The following PI4KA variants were observed in gnomAD, a reference collection of about 807,000 sequenced individuals.
The protein encoded by PI4KA is phosphatidylinositol 4-kinase alpha.
A neutral mutation model predicts 271.4 loss-of-function variants in PI4KA; 122 were observed. The observed-to-expected ratio is 0.45, with a 90% CI of 0.39 to 0.52. The LOEUF (loss-of-function observed/expected upper bound fraction) is 0.52. PI4KA is among the 20% of genes least tolerant of loss of function. The probability of loss-of-function intolerance (pLI) is 0.00; values close to 1 mark genes in which losing one functional copy is unlikely to be tolerated. For missense variants in PI4KA, 1,969 were observed against 2,769.1 expected (o/e 0.71, Z 6.48); for synonymous variants, 1,041 against 1,078.8 (o/e 0.96, Z 0.69).
intron 4 of PI4KA, among the ~76,000 whole-genome samples, chr22:20,821,218 A>G (rs998626226): frequency 1.4e-4 from 21 of 152,118 alleles, no homozygotes; most frequent in African/African-American, 4.8e-4. Context: ...ATAATTTTTA[A>G]ATTTTTTTTA....
At position 20,805,149 on chromosome 22, in the gene PI4KA, A is replaced by G. The variant is rs151056177; in HGVS notation, c.1185T>C (p.Phe395=). Residue 395 remains phenylalanine, a synonymous_variant, in exon 11 of 55, where the codon TTT becomes TTC. Transcript: ENST00000255882. ...GCACAAAATCATGGATCTCCTTCAC[A>G]AAAGAGGTCGGGAGGTCTGTAGGAA... ...LYYMKDLPTS[F]VKEIHDFVLE... The G allele has an allele frequency of 2.4e-4, 392 of 1,613,784 alleles. No homozygotes were observed. The highest frequency in any genetic ancestry group is 1.5e-3 in the Middle Eastern group (9 of 6,058).
chr22:20,761,220 T>A (rs760125854), intron 23 of PI4KA, 84 bp downstream of exon 23: 8 of 791,162 alleles, frequency 1.0e-5, no homozygotes, highest in Non-Finnish European at 1.8e-5. Flanking sequence ...ATTTTCTACA[T>A]GTAGACAGAA....
chr22:20,763,612 G>T (rs1282952905), intron 22 of PI4KA, among the ~76,000 whole-genome samples: 1 of 151,830 alleles, frequency 6.6e-6, no homozygotes, highest in African/African-American at 2.4e-5. Context: ...GCTAATTTTT[G>T]TATTTTTAGT....
chr22:20,842,311 A>T (rs1925659990), intron 1 of PI4KA, among the ~76,000 whole-genome samples: 1 of 152,200 alleles, frequency 6.6e-6, no homozygotes, highest in African/African-American at 2.4e-5. Flanking sequence ...CAGCCCTGCC[A>T]TCACCTTGAT....
At position 20,754,985 on chromosome 22, in the gene PI4KA, C is replaced by T. The variant is rs892315923; in HGVS notation, c.2792-1805G>A. Among the ~76,000 whole-genome samples, 4 of 152,172 alleles carry T rather than the reference C, an allele frequency of 2.6e-5. No individual in the cohort carries two copies. The East Asian group carries it at 5.8e-4, about 22-fold the overall frequency. ...AATTTATTTTTTAGGGACAGGGTAT[C>T]GCTTTGTTGCCTAGGCTGGTCTTGA... On this transcript the variant is annotated intron_variant, in intron 23 of 54. Coordinates refer to ENST00000255882, the MANE Select transcript of PI4KA (RefSeq NM_058004.4).
At position 20,765,181 on chromosome 22, in the gene PI4KA, G is replaced by C. The variant is rs766644240; in HGVS notation, c.2493C>G (p.Pro831=). Residue 831 remains proline (P), a synonymous_variant, in exon 21 of 55, where the codon CCC becomes CCG. Coordinates refer to ENST00000255882, the MANE Select transcript of PI4KA (RefSeq NM_058004.4). The part of the protein sequence containing the change: ...EGVCEIATKS[P]LLTFPSKEPL... ...GCTCCTTGCTGGGAAAGGTGAGCAA[G>C]GGGGACTTAGTGGCTATTTCACAGA... 8 of 1,613,914 alleles carry C rather than the reference G, an allele frequency of 5.0e-6. No homozygotes were observed. The Admixed American group carries it at 1.2e-4, about 24-fold the overall frequency.
At chr22:20,728,070 T>G (rs1927579375) in intron 39 of PI4KA, among the ~76,000 whole-genome samples, 1 of 152,180 alleles carries the variant, frequency 6.6e-6, no homozygotes, top group Admixed American at 6.5e-5. Context: ...AATAATAACT[T>G]AATTGTATAT....
rs1397087051 is a variant in PI4KA, at chr22:20,720,000, T to C, written c.5117-1178A>G. 3.3e-5 allele frequency among the ~76,000 whole-genome samples: 4 copies of C among 120,840 alleles called. No homozygotes were observed. The South Asian group carries it at 1.1e-3, about 33-fold the overall frequency. 79.3% of individuals were successfully genotyped at this position (120,840 alleles called of 152,430 possible). A position where few individuals can be genotyped will look rare whatever the true frequency, so the allele number is the denominator to read the frequency against. On this transcript the variant is annotated intron_variant, in intron 43 of 54. Coordinates refer to ENST00000255882, the MANE Select transcript of PI4KA (RefSeq NM_058004.4). ...GAGATCGTGCCACTGCACTCCAGCC[T>C]GGGCGACTAATCAAGACTCTGTCTC... is the stretch of plus-strand genomic sequence containing the variant.
intron 25 of PI4KA, 39 bp from the exon 26 acceptor site, chr22:20,751,794 C>T (rs1930726265): frequency 6.3e-7 from 1 of 1,583,650 alleles, no homozygotes; most frequent in South Asian, 1.1e-5. Context: ...AGAGCCAAAC[C>T]TCCAAGGAAG....
chr22:20,740,824 A>G (rs1208456048), intron 32 of PI4KA, among the ~76,000 whole-genome samples: 2 of 152,216 alleles, frequency 1.3e-5, no homozygotes, highest in Non-Finnish European at 2.9e-5. Flanking sequence ...TAAAAACAAT[A>G]AAACAAAAAA....
At position 20,813,499 on chromosome 22, in the gene PI4KA, G is replaced by A. The variant is rs165854; in HGVS notation, c.864C>T (p.Cys288=). 666,269 of 1,611,922 alleles carry A rather than the reference G, an allele frequency of 0.41. 140,907 individuals carry two copies. Among genetic ancestry groups the A allele is most frequent in the African/African-American group, 0.58 (43,201 of 74,852 alleles). Residue 288 remains cysteine (C), a synonymous_variant, in exon 8 of 55, where the codon TGC becomes TGT. Coordinates refer to ENST00000255882, the MANE Select transcript of PI4KA (RefSeq NM_058004.4). ...GCTCTAGGGCAGTCCCATCGGGCAAGCAGGAGGCTGGTGGGAGATAAAGCT... is the reference window on the plus strand; with the variant it reads ...GCTCTAGGGCAGTCCCATCGGGCAAACAGGAGGCTGGTGGGAGATAAAGCT... The part of the protein sequence containing the change: ...GSAFHYFEAS[C]LPDGTALEPE...
intron 30 of PI4KA, among the ~76,000 whole-genome samples, chr22:20,744,319 T>C (rs1286810935): frequency 6.6e-6 from 1 of 152,112 alleles, no homozygotes; most frequent in Non-Finnish European, 1.5e-5. Flanking sequence ...TCTTACCGAG[T>C]GCCCAAGAGC....
intron 8 of PI4KA, among the ~76,000 whole-genome samples, chr22:20,811,454 C>A (rs1601549344): frequency 6.6e-6 from 1 of 152,244 alleles, no homozygotes; most frequent in Non-Finnish European, 1.5e-5. Flanking sequence ...GCACCTCCTT[C>A]CTCTCCGGGC....
At chr22:20,849,030 A>G (rs1030236039) in intron 1 of PI4KA, among the ~76,000 whole-genome samples, 16 of 152,170 alleles carry the variant, frequency 1.1e-4, no homozygotes, top group African/African-American at 3.4e-4. Flanking sequence ...CTGAATAGAT[A>G]TATCTCCAAA....
chr22:20,734,950 T>C (rs1374964998), intron 32 of PI4KA, among the ~76,000 whole-genome samples: 2 of 152,080 alleles, frequency 1.3e-5, no homozygotes, highest in African/African-American at 4.8e-5. Flanking sequence ...CAGAAGAGGG[T>C]TCTGGATCCA....
At chr22:20,750,221 C>T (rs558917262) in intron 27 of PI4KA, among the ~76,000 whole-genome samples, 3 of 152,290 alleles carry the variant, frequency 2.0e-5, no homozygotes, top group East Asian at 3.9e-4. Flanking sequence ...TCCTTCCTTA[C>T]GTGTGTGCAG....
intron 22 of PI4KA, among the ~76,000 whole-genome samples, chr22:20,762,281 T>C (rs1005706475): frequency 6.6e-6 from 1 of 152,192 alleles, no homozygotes; most frequent in African/African-American, 2.4e-5. Context: ...GCCAGGTGAC[T>C]TTCAGCACAC....
At chr22:20,755,260 A>T (rs1013683510) in intron 23 of PI4KA, among the ~76,000 whole-genome samples, 1 of 152,160 alleles carries the variant, frequency 6.6e-6, no homozygotes, top group Non-Finnish European at 1.5e-5. Context: ...GGCCACTCGG[A>T]GCTCTTTCAG....
At chr22:20,845,301 G>A (rs1289759202) in intron 1 of PI4KA, among the ~76,000 whole-genome samples, 1 of 152,168 alleles carries the variant, frequency 6.6e-6, no homozygotes, top group African/African-American at 2.4e-5. Flanking sequence ...AATTGCAGAT[G>A]AGAATCAACC....
Sources: allele counts gnomAD v4.1 joint callset (sites outside exome capture counted in the v4.1 genomes callset), GRCh38; gene constraint gnomAD v4.1.1; transcripts MANE v1.5; gene names NCBI Gene and HGNC (gene_info 2026-07-23, HGNC 2026-07-21).